Variants in PCDH15 observed in about 807,000 individuals in gnomAD.
PCDH15 encodes the protein protocadherin-15.
In PCDH15, 129 loss-of-function variants were observed where a neutral mutation model predicts 178.5. The ratio of observed to expected loss-of-function variants is 0.72; its 90% CI spans 0.63 to 0.84. PCDH15 has a LOEUF of 0.84. Among genes scored for constraint, PCDH15 ranks in the 40% least tolerant of loss-of-function variants. The probability of loss-of-function intolerance (pLI) is 0.00; values close to 1 mark genes in which losing one functional copy is unlikely to be tolerated. For synonymous variants in PCDH15, 800 were observed against 732.0 expected, an observed-to-expected ratio of 1.09 and a Z score of -1.50; for missense variants, 2,230 against 2,099.9, an observed-to-expected ratio of 1.06 and a Z score of -1.21.
In PCDH15 at chr10:54,268,609, A is replaced by G. The variant is rs1484891072; in HGVS notation, c.877-31678T>C. Among the ~76,000 whole-genome samples the G allele has an allele frequency of 4.6e-5, 7 of 151,950 alleles. No individual in the cohort carries two copies. In the East Asian group the frequency reaches 1.3e-3, roughly 29 times the overall value. ...GAAAGAATGAAATCCTTTCCTTTGC[A>G]GTAACATGGATGTGCCTGGATGCCA... On this transcript the variant is annotated intron_variant, in intron 8 of 37. Coordinates refer to ENST00000644397, the MANE Select transcript of PCDH15 (RefSeq NM_001384140.1).
intron 5 of PCDH15, 53 bp from the exon 6 acceptor site, chr10:54,346,537 C>A (rs906608333): frequency 1.2e-6 from 2 of 1,601,196 alleles, no homozygotes; most frequent in African/African-American, 2.7e-5. Context: ...AACTGCACAC[C>A]AGAAATGTTA....
chr10:55,355,078 A>C (rs527392935), intron 2 of PCDH15, among the ~76,000 whole-genome samples: 1 of 152,170 alleles, frequency 6.6e-6, no homozygotes, highest in East Asian at 1.9e-4. Context: ...TTATATTTAT[A>C]AATAGTCCAT....
At chr10:55,276,029 A>G (rs927353576) in intron 1 of PCDH15, among the ~76,000 whole-genome samples, 2 of 151,142 alleles carry the variant, frequency 1.3e-5, no homozygotes, top group Non-Finnish European at 1.5e-5. Context: ...ATTCTTATTT[A>G]CTTAAGTATA....
intron 20 of PCDH15, among the ~76,000 whole-genome samples, chr10:54,009,016 C>T (rs1249690924): frequency 2.0e-5 from 3 of 152,008 alleles, no homozygotes; most frequent in Non-Finnish European, 4.4e-5. Flanking sequence ...AATCATATTT[C>T]AAAATACAAT....
intron 2 of PCDH15, among the ~76,000 whole-genome samples, chr10:54,611,339 C>G (rs12762168): frequency 0.13 from 20,125 of 151,682 alleles, 1,463 homozygotes; most frequent in Middle Eastern, 0.18. Flanking sequence ...ATAATTAAAA[C>G]AGAAATGAAG....
At chr10:54,038,784 GT>G (rs1010575394) in intron 18 of PCDH15, among the ~76,000 whole-genome samples, 1 of 151,856 alleles carries the variant, frequency 6.6e-6, no homozygotes, top group South Asian at 2.1e-4. Flanking sequence ...TCTTGGATTG[GT>G]TTTTTTCTTA....
intron 1 of PCDH15, among the ~76,000 whole-genome samples, chr10:55,230,188 C>T (rs1841171450): frequency 6.6e-6 from 1 of 151,912 alleles, no homozygotes; most frequent in Non-Finnish European, 1.5e-5. Flanking sequence ...TCAAAAAGAT[C>T]ACAGATTAAA....
intron 1 of PCDH15, among the ~76,000 whole-genome samples, chr10:55,223,583 T>G (rs1411108532): frequency 6.6e-6 from 1 of 152,002 alleles, no homozygotes; most frequent in African/African-American, 2.4e-5. Flanking sequence ...ATATAGGAGG[T>G]CCTCTTTTTC....
At chr10:53,882,296 G>T (rs958339617) in intron 26 of PCDH15, among the ~76,000 whole-genome samples, 7 of 151,774 alleles carry the variant, frequency 4.6e-5, no homozygotes, top group African/African-American at 1.7e-4. Context: ...TTTTTTGTTT[G>T]TTTGGGCACC....
chr10:55,115,997 C>T (rs1837620509), intron 2 of PCDH15, among the ~76,000 whole-genome samples: 1 of 152,086 alleles, frequency 6.6e-6, no homozygotes, highest in South Asian at 2.1e-4. Flanking sequence ...TATCTACACC[C>T]CTTAGAAAGT....
intron 18 of PCDH15, among the ~76,000 whole-genome samples, chr10:54,042,154 T>G (rs533138470): frequency 1.8e-4 from 28 of 152,208 alleles, no homozygotes; most frequent in African/African-American, 6.3e-4. Flanking sequence ...GATGAAATAT[T>G]GCCAGACATT....
At chr10:54,833,219 T>C (rs916756072) in intron 3 of PCDH15, among the ~76,000 whole-genome samples, 2 of 152,166 alleles carry the variant, frequency 1.3e-5, no homozygotes, top group Admixed American at 6.6e-5. Flanking sequence ...TACTCTCTCA[T>C]GATTGCATCA....
intron 3 of PCDH15, among the ~76,000 whole-genome samples, chr10:54,892,458 A>G (rs184934630): frequency 5.3e-5 from 8 of 152,112 alleles, no homozygotes; most frequent in Non-Finnish European, 1.2e-4. Context: ...AGTATCTAGT[A>G]AAGTAAAAAA....
At chr10:55,482,600 T>C (rs1356052429) in intron 2 of PCDH15, among the ~76,000 whole-genome samples, 1 of 151,818 alleles carries the variant, frequency 6.6e-6, no homozygotes, top group East Asian at 1.9e-4. Context: ...GAATATGAAG[T>C]TCTGGATTGG....
chr10:53,822,246 C>A lies in PCDH15; in HGVS notation c.4368-2016G>T, dbSNP rs776844300. The A allele has an allele frequency of 1.5e-5, 25 of 1,612,986 alleles. No homozygotes were observed. Among genetic ancestry groups the A allele is most frequent in the Non-Finnish European group, 2.1e-5 (25 of 1,179,776 alleles). ...AAATGAAGCTGAAGGAGGTGGAGGG[C>A]AAGGAATAGAAGGAGGTGGTGGAGG... On this transcript the variant is annotated intron_variant, in intron 32 of 37. Transcript: ENST00000644397.
rs776160076 is a variant in PCDH15 at position 54,132,862 on chromosome 10, CCAAGGA to C, written c.1917+7_1917+12del. 1.2e-6 allele frequency: 2 copies of C among 1,604,340 alleles called. No individual in the cohort carries two copies. The highest frequency in any genetic ancestry group is 1.1e-5 in the South Asian group (1 of 89,702). On this transcript the variant is annotated splice_region_variant and intron_variant, in intron 15 of 37. Transcript: ENST00000644397. ...TTATACACACACACACACACACACA[CCAAGGA>C]ACATACCTGTAGATTTAATAAAACA...
intron 1 of PCDH15, among the ~76,000 whole-genome samples, chr10:55,296,405 A>G (rs1283305545): frequency 6.6e-6 from 1 of 152,190 alleles, no homozygotes; most frequent in African/African-American, 2.4e-5. Flanking sequence ...TCCAAAAGTC[A>G]TCTTATTAGC....
At chr10:55,384,276 T>A (rs961039414) in intron 2 of PCDH15, among the ~76,000 whole-genome samples, 1 of 152,170 alleles carries the variant, frequency 6.6e-6, no homozygotes, top group African/African-American at 2.4e-5. Context: ...TCACAAAGAT[T>A]AACATGTGGA....
intron 2 of PCDH15, among the ~76,000 whole-genome samples, chr10:54,643,627 A>G (rs918074568): frequency 2.0e-5 from 3 of 152,128 alleles, no homozygotes; most frequent in African/African-American, 7.2e-5. Flanking sequence ...TTTAAAAAAT[A>G]CATACTTTTG....
Sources: allele counts gnomAD v4.1 joint callset (sites outside exome capture counted in the v4.1 genomes callset), GRCh38; gene constraint gnomAD v4.1.1; transcripts MANE v1.5; gene names NCBI Gene and HGNC (gene_info 2026-07-23, HGNC 2026-07-21).